The following LRRC7 variants were observed in gnomAD, a reference collection of about 807,000 sequenced individuals.
LRRC7 encodes the protein leucine-rich repeat-containing protein 7.
Under a neutral mutation model 175.7 loss-of-function variants are expected in LRRC7, and 23 were observed. The ratio of observed to expected loss-of-function variants is 0.13; its 90% confidence interval spans 0.09 to 0.19. LRRC7 has a LOEUF of 0.19. Among genes scored for constraint, LRRC7 ranks in the 10% least tolerant of loss-of-function variants. LRRC7 has a pLI of 1.00. For missense variants in LRRC7, 1,354 were observed against 1,904.7 expected (o/e 0.71, Z 5.38); for synonymous variants, 685 against 680.9 (o/e 1.01, Z -0.09).
chr1:69,783,576 C>A (rs2101034676), intron 3 of LRRC7, among the ~76,000 whole-genome samples: 1 of 151,826 alleles, frequency 6.6e-6, no homozygotes, highest in South Asian at 2.1e-4. Flanking sequence ...CATGGCGGAA[C>A]CCTGTCTCTA....
In LRRC7 at chr1:70,126,826, G is replaced by A. The variant is rs1246571013; in HGVS notation, c.*4939G>A. On this transcript the variant is annotated 3_prime_UTR_variant, in exon 27 of 27. Coordinates refer to ENST00000651989, the MANE Select transcript of LRRC7 (RefSeq NM_001370785.2). Reference sequence around the variant, plus strand: ...CAATCAAGTTTTCCAGTCATATCCTGAACCTTCTGGGGGCATTTCTGTTTC... The same window carrying A: ...CAATCAAGTTTTCCAGTCATATCCTAAACCTTCTGGGGGCATTTCTGTTTC... Among the ~76,000 whole-genome samples, 1 of 152,158 alleles carries A rather than the reference G, an allele frequency of 6.6e-6. No homozygotes were observed. Among genetic ancestry groups the A allele is most frequent in the Non-Finnish European group, 1.5e-5 (1 of 68,024 alleles).
intron 1 of LRRC7, among the ~76,000 whole-genome samples, chr1:69,628,588 A>C (rs1388225187): frequency 1.3e-5 from 2 of 152,166 alleles, no homozygotes; most frequent in African/African-American, 4.8e-5. Context: ...CCCAATCAAA[A>C]TATCATCACG....
intron 23 of LRRC7, among the ~76,000 whole-genome samples, chr1:70,056,520 A>G (rs1216574876): frequency 6.6e-6 from 1 of 152,098 alleles, no homozygotes; most frequent in African/African-American, 2.4e-5. Flanking sequence ...TGTTGGCTCT[A>G]TCCTAAAACT....
chr1:69,662,761 C>T (rs761525342), intron 1 of LRRC7, among the ~76,000 whole-genome samples: 3 of 152,178 alleles, frequency 2.0e-5, no homozygotes, highest in Non-Finnish European at 4.4e-5. Flanking sequence ...TTTATAAACA[C>T]TTGAGACTAT....
chr1:70,028,612 G>A (rs1002543063), intron 18 of LRRC7, among the ~76,000 whole-genome samples: 2 of 151,950 alleles, frequency 1.3e-5, no homozygotes, highest in Non-Finnish European at 2.9e-5. Flanking sequence ...GAATAAGTTC[G>A]TCACCCAGCA....
At chr1:69,576,217 G>C (rs1220510277) in intron 1 of LRRC7, among the ~76,000 whole-genome samples, 2 of 118,094 alleles carry the variant, frequency 1.7e-5, no homozygotes, top group Non-Finnish European at 3.5e-5. Flanking sequence ...GGGTGACAGA[G>C]TGACACTCTG....
intron 8 of LRRC7, among the ~76,000 whole-genome samples, chr1:69,953,955 G>A (rs941622026): frequency 1.2e-4 from 19 of 152,136 alleles, no homozygotes; most frequent in Non-Finnish European, 2.2e-4. Flanking sequence ...TATAGAATTT[G>A]TTGAATAAAT....
rs2102283569 is a variant in LRRC7, at chr1:70,138,130, T to C, written c.*16243T>C. ...TGTAGAAACTTAGTGTCATTGCGCA[T>C]CAACTTAGAAAATGTGAATTGATTA... is the stretch of plus-strand genomic sequence containing the variant. On this transcript the variant is annotated 3_prime_UTR_variant, in exon 27 of 27. Coordinates refer to ENST00000651989, the MANE Select transcript of LRRC7 (RefSeq NM_001370785.2). 6.6e-6 allele frequency: 1 copy of C among 152,342 alleles called. No individual in the cohort carries two copies. Among genetic ancestry groups the C allele is most frequent in the East Asian group, 1.9e-4 (1 of 5,192 alleles). 9.4% of individuals were successfully genotyped at this position (152,342 alleles called of 1,614,324 possible).
intron 8 of LRRC7, among the ~76,000 whole-genome samples, chr1:69,932,760 G>A (rs1271856537): frequency 6.6e-6 from 1 of 152,162 alleles, no homozygotes; most frequent in Non-Finnish European, 1.5e-5. Context: ...TCCTCCCTAA[G>A]ATGGAATTTG....
intron 26 of LRRC7, among the ~76,000 whole-genome samples, chr1:70,119,649 C>CTTAACACTGATATTT (rs147956269): frequency 0.11 from 16,476 of 151,996 alleles, 1,214 homozygotes; most frequent in African/African-American, 0.2. Flanking sequence ...CAATTTCGCC[C>CTTAACACTGATATTT]TTAACACTGA....
intron 7 of LRRC7, among the ~76,000 whole-genome samples, chr1:69,864,104 CT>C (rs1684648976): frequency 6.6e-6 from 1 of 152,146 alleles, no homozygotes; most frequent in Non-Finnish European, 1.5e-5. Context: ...TTCAGAAAGC[CT>C]TTTCTGGACC....
intron 1 of LRRC7, among the ~76,000 whole-genome samples, chr1:69,623,979 T>C (rs1486269109): frequency 6.6e-6 from 1 of 152,240 alleles, no homozygotes; most frequent in East Asian, 1.9e-4. Context: ...GGGGCTACTA[T>C]AAATAATGGT....
Position 70,039,505 on chromosome 1 carries a change from T to C in LRRC7, c.3681T>C (p.Phe1227=), listed in dbSNP as rs201706507. ...AAGTGAAAGCTCAGGCGGGAAGTTT[T>C]CCGGTTAAAAACCTTACCCAAAGGA... ...YQEVKAQAGS[F]PVKNLTQRRP... The change falls in exon 21 of 27, where the codon TTT becomes TTC. Residue 1227 remains phenylalanine, a synonymous_variant. Coordinates refer to ENST00000651989, the MANE Select transcript of LRRC7 (RefSeq NM_001370785.2). 6.8e-5 allele frequency: 110 copies of C among 1,614,022 alleles called. No homozygotes were observed. Among genetic ancestry groups the C allele is most frequent in the Non-Finnish European group, 9.1e-5 (107 of 1,180,024 alleles).
intron 2 of LRRC7, among the ~76,000 whole-genome samples, chr1:69,756,769 A>G (rs530979745): frequency 7.1e-4 from 108 of 152,080 alleles, no homozygotes; most frequent in African/African-American, 2.6e-3. Flanking sequence ...AGAAAATGAC[A>G]TGGGGTCAAG....
At chr1:69,737,254 C>T (rs969051) in intron 2 of LRRC7, among the ~76,000 whole-genome samples, 90,990 of 151,820 alleles carry the variant, frequency 0.6, 28,434 homozygotes, top group East Asian at 0.89. Flanking sequence ...GTAATTGAAT[C>T]ATGCCAATGG....
rs1018243853 is a variant in LRRC7 at position 70,048,416 on chromosome 1, A to G, written c.4110+4322A>G. On this transcript the variant is annotated intron_variant, in intron 22 of 26. Transcript: ENST00000651989. ...CCTGTATTGTCACTGTTTCACTGTCATAACTCCTGCACTTAGCATAGTAGT... is the reference window on the plus strand; with the variant it reads ...CCTGTATTGTCACTGTTTCACTGTCGTAACTCCTGCACTTAGCATAGTAGT... 9.9e-5 allele frequency among the ~76,000 whole-genome samples: 15 copies of G among 152,216 alleles called. No individual in the cohort carries two copies. In the East Asian group the frequency reaches 2.9e-3, roughly 29 times the overall value.
At chr1:69,859,183 C>T (rs2101523649) in intron 7 of LRRC7, among the ~76,000 whole-genome samples, 1 of 152,232 alleles carries the variant, frequency 6.6e-6, no homozygotes, top group East Asian at 1.9e-4. Flanking sequence ...TATAATGTTG[C>T]ACGTTTTCAC....
At chr1:69,827,528 G>A (rs1680059932) in intron 5 of LRRC7, among the ~76,000 whole-genome samples, 1 of 152,124 alleles carries the variant, frequency 6.6e-6, no homozygotes, top group African/African-American at 2.4e-5. Context: ...TTAAAGTCAT[G>A]TTTTTAAATA....
chr1:69,819,287 T>C (rs1346505107), intron 4 of LRRC7, among the ~76,000 whole-genome samples: 2 of 152,100 alleles, frequency 1.3e-5, no homozygotes, highest in Non-Finnish European at 2.9e-5. Flanking sequence ...AAGATTTTCT[T>C]TTAATTTTCC....
Sources: gnomAD v4.1 joint callset for allele counts (sites outside exome capture counted in the v4.1 genomes callset) on GRCh38, gnomAD v4.1.1 for gene constraint, MANE v1.5 for transcripts, NCBI Gene and HGNC (gene_info 2026-07-23, HGNC 2026-07-21) for gene names.